Variants in UTRN observed in about 807,000 individuals in gnomAD.
The protein encoded by UTRN is utrophin.
UTRN carries 283 observed loss-of-function variants against 463.9 expected under a neutral mutation model. That is an observed-to-expected ratio of 0.61 (90% CI 0.55 to 0.67). The LOEUF (loss-of-function observed/expected upper bound fraction) is 0.67, where lower values mean the gene tolerates loss of function less well. UTRN is among the 30% of genes least tolerant of loss of function. UTRN has a pLI of 0.00. For synonymous variants in UTRN, 1,442 were observed against 1,431.5 expected (o/e 1.01, Z -0.17); for missense variants, 3,922 against 4,084.3 (o/e 0.96, Z 1.08).
chr6:144,828,925 T>A, intron 69 of UTRN, 70 bp downstream of exon 69: 1 of 1,517,482 alleles, frequency 6.6e-7, no homozygotes, highest in Admixed American at 1.7e-5. Context: ...AGAAACAATC[T>A]TCACTGATGT....
intron 53 of UTRN, among the ~76,000 whole-genome samples, chr6:144,724,527 C>T (rs575774777): frequency 6.6e-6 from 1 of 152,116 alleles, no homozygotes; most frequent in African/African-American, 2.4e-5. Flanking sequence ...GCGCCTGGCC[C>T]ATAACTTTTT....
At chr6:144,675,206 C>T (rs1441011823) in intron 51 of UTRN, among the ~76,000 whole-genome samples, 1 of 152,136 alleles carries the variant, frequency 6.6e-6, no homozygotes, top group Non-Finnish European at 1.5e-5. Flanking sequence ...GAGAACCAGA[C>T]TGCAGTGATG....
chr6:144,674,373 G>A (rs975402142), intron 51 of UTRN, among the ~76,000 whole-genome samples: 1 of 149,982 alleles, frequency 6.7e-6, no homozygotes, highest in East Asian at 2.0e-4. Flanking sequence ...GTCAGATTGG[G>A]TTAGTTGGAA....
At position 144,730,418 on chromosome 6, in the gene UTRN, G is replaced by A. The variant is rs150002167; in HGVS notation, c.7871G>A (p.Arg2624Gln). 144 of 1,611,902 alleles carry A rather than the reference G, an allele frequency of 8.9e-5. No individual in the cohort carries two copies. The highest frequency in any genetic ancestry group is 1.2e-4 in the Non-Finnish European group (137 of 1,178,888). The change falls in exon 54 of 75, where the codon CGA becomes CAA. Residue 2624 changes from arginine (R) to glutamine (Q), a missense_variant. Transcript: ENST00000367545. ...GTCCTGAATGCTGTCGACCAGGCCCGAGTTTTCTTGGCTGATCAGCCAATT... is the reference window on the plus strand; with the variant it reads ...GTCCTGAATGCTGTCGACCAGGCCCAAGTTTTCTTGGCTGATCAGCCAATT... ...YSVLNAVDQA[R>Q]VFLADQPIEA...
intron 17 of UTRN, 61 bp downstream of exon 17, chr6:144,448,830 G>A: frequency 1.3e-6 from 2 of 1,557,198 alleles, no homozygotes; most frequent in Non-Finnish European, 1.7e-6. Flanking sequence ...TTTCTACTTG[G>A]TGCCTATTTT....
intron 51 of UTRN, among the ~76,000 whole-genome samples, chr6:144,605,111 A>G (rs933633301): frequency 6.6e-6 from 1 of 152,140 alleles, no homozygotes; most frequent in Admixed American, 6.5e-5. Flanking sequence ...TAATGAACAC[A>G]GATCTCTCTT....
At chr6:144,786,434 C>T (rs777512380) in intron 61 of UTRN, among the ~76,000 whole-genome samples, 2 of 152,060 alleles carry the variant, frequency 1.3e-5, no homozygotes, top group Admixed American at 6.6e-5. Flanking sequence ...TACAGGCACG[C>T]GCCACCACGC....
At chr6:144,443,634 A>T (rs1787381366) in intron 13 of UTRN, among the ~76,000 whole-genome samples, 1 of 152,088 alleles carries the variant, frequency 6.6e-6, no homozygotes, top group Non-Finnish European at 1.5e-5. Flanking sequence ...ATGAAGAGTG[A>T]TTTTTTATAA....
Position 144,835,822 on chromosome 6 carries a change from C to A in UTRN, c.9708C>A (p.Leu3236=), listed in dbSNP as rs75504949. 136 of 1,613,954 alleles carry A rather than the reference C, an allele frequency of 8.4e-5. No homozygotes were observed. The highest frequency in any genetic ancestry group is 1.2e-4 in the Non-Finnish European group (136 of 1,179,988). ...HALIQQYCQT[L]GGESPVSQPQ... ...TCATCCAGCAGTATTGCCAAACACT[C>A]GGAGGAGAGTCCCCAGTGAGCCAGC... Residue 3236 remains leucine (L), a synonymous_variant, in exon 70 of 75, where the codon CTC becomes CTA. Transcript: ENST00000367545.
chr6:144,750,310 A>C (rs921211545), intron 55 of UTRN, among the ~76,000 whole-genome samples: 13 of 152,126 alleles, frequency 8.5e-5, no homozygotes, highest in Admixed American at 7.9e-4. Context: ...CATCCATTAA[A>C]ATGCCGAATC....
At chr6:144,288,098 T>A (rs1221996484) in intron 1 of UTRN, among the ~76,000 whole-genome samples, 1 of 152,258 alleles carries the variant, frequency 6.6e-6, no homozygotes, top group Non-Finnish European at 1.5e-5. Context: ...CTCAAATTCC[T>A]CTGGCCATTA....
At chr6:144,675,146 T>C (rs1315309512) in intron 51 of UTRN, among the ~76,000 whole-genome samples, 1 of 152,214 alleles carries the variant, frequency 6.6e-6, no homozygotes, top group Non-Finnish European at 1.5e-5. Context: ...CCCCATAAGA[T>C]GATCACTTGA....
intron 51 of UTRN, among the ~76,000 whole-genome samples, chr6:144,598,502 G>T (rs535496759): frequency 6.6e-6 from 1 of 152,250 alleles, no homozygotes; most frequent in African/African-American, 2.4e-5. Flanking sequence ...ACATAAAAAC[G>T]TACCAGACTC....
At position 144,511,105 on chromosome 6, in the gene UTRN, T is replaced by C; in HGVS notation, c.4926T>C (p.Asp1642=). 1 of 1,601,132 alleles carries C rather than the reference T, an allele frequency of 6.2e-7. No individual in the cohort carries two copies. Among genetic ancestry groups the C allele is most frequent in the Non-Finnish European group, 8.5e-7 (1 of 1,171,744 alleles). ...GWSRVRTWTE[D]WCNTLMNHQN... Reference sequence around the variant, plus strand: ...GCCGAGTTCGTACCTGGACTGAAGATTGGTGCAATACCTTGATGGTATGTC... The same window carrying C: ...GCCGAGTTCGTACCTGGACTGAAGACTGGTGCAATACCTTGATGGTATGTC... Residue 1642 remains aspartate (D), a synonymous_variant, in exon 35 of 75, where the codon GAT becomes GAC. Coordinates refer to ENST00000367545, the MANE Select transcript of UTRN (RefSeq NM_007124.3).
chr6:144,564,329 T>A (rs1800201317), intron 50 of UTRN, among the ~76,000 whole-genome samples: 1 of 152,132 alleles, frequency 6.6e-6, no homozygotes, highest in Non-Finnish European at 1.5e-5. Flanking sequence ...AGGAACCATC[T>A]GAAGAAAATT....
chr6:144,838,647 A>G (rs1781303481), intron 71 of UTRN, among the ~76,000 whole-genome samples: 1 of 152,166 alleles, frequency 6.6e-6, no homozygotes, highest in Non-Finnish European at 1.5e-5. Context: ...CAGCACTATT[A>G]TTACCCTCCC....
chr6:144,805,270 A>G (rs566283491), intron 65 of UTRN, among the ~76,000 whole-genome samples: 7 of 152,254 alleles, frequency 4.6e-5, no homozygotes, highest in Non-Finnish European at 1.0e-4. Context: ...TCCCTTTAGG[A>G]GGAAGAATGT....
intron 51 of UTRN, among the ~76,000 whole-genome samples, chr6:144,636,726 A>T (rs1175191065): frequency 6.6e-6 from 1 of 152,136 alleles, no homozygotes; most frequent in Non-Finnish European, 1.5e-5. Flanking sequence ...ATACATTGGG[A>T]TTATAGTTGC....
At chr6:144,588,425 T>G (rs1200637939) in intron 51 of UTRN, among the ~76,000 whole-genome samples, 1 of 152,202 alleles carries the variant, frequency 6.6e-6, no homozygotes, top group Non-Finnish European at 1.5e-5. Flanking sequence ...GTCACTCACT[T>G]AAAGAATAAC....
Sources: gnomAD v4.1 joint callset for allele counts (sites outside exome capture counted in the v4.1 genomes callset) on GRCh38, gnomAD v4.1.1 for gene constraint, MANE v1.5 for transcripts, NCBI Gene and HGNC (gene_info 2026-07-23, HGNC 2026-07-21) for gene names.